Variants in HLA-DRA observed in about 807,000 individuals in gnomAD.
The protein encoded by HLA-DRA is HLA class II histocompatibility antigen, DR alpha chain.
In HLA-DRA, 8 loss-of-function variants were observed where a neutral mutation model predicts 22.1. The observed-to-expected ratio is 0.36, with a 90% CI of 0.21 to 0.65. The LOEUF is 0.65. HLA-DRA is among the 30% of genes least tolerant of loss of function. The pLI, the probability that HLA-DRA is intolerant of heterozygous loss-of-function variation, is 0.63. For synonymous variants in HLA-DRA, 101 were observed against 117.1 expected (o/e 0.86, Z 0.89); for missense variants, 248 against 321.3 (o/e 0.77, Z 1.74).
rs762969595 is a variant in HLA-DRA, at chr6:32,440,038, T to G, written c.82+6T>G. 1 of 1,612,074 alleles carries G rather than the reference T, an allele frequency of 6.2e-7. No homozygotes were observed. Among genetic ancestry groups the G allele is most frequent in the Non-Finnish European group, 8.5e-7 (1 of 1,178,422 alleles). On this transcript the variant is annotated splice_donor_region_variant and intron_variant, in intron 1 of 4. Transcript: ENST00000395388. ...GGAATCATGGGCTATCAAAGGTAGGTGCTGAGGGAATGAAATCTGGGACGA... is the reference window on the plus strand; with the variant it reads ...GGAATCATGGGCTATCAAAGGTAGGGGCTGAGGGAATGAAATCTGGGACGA...
In HLA-DRA at chr6:32,442,698, C is replaced by T. The variant is rs1270622534; in HGVS notation, c.328+5C>T. On this transcript the variant is annotated splice_donor_5th_base_variant and intron_variant, in intron 2 of 4. Coordinates refer to ENST00000395388, the MANE Select transcript of HLA-DRA (RefSeq NM_019111.5). Reference sequence around the variant, plus strand: ...ACTATACTCCGATCACCAATGGTACCTCCCTCTCTGCTGCACTCCTGGACA... The same window carrying T: ...ACTATACTCCGATCACCAATGGTACTTCCCTCTCTGCTGCACTCCTGGACA... 1.2e-6 allele frequency: 2 copies of T among 1,612,826 alleles called. No homozygotes were observed. Among genetic ancestry groups the T allele is most frequent in the South Asian group, 2.2e-5 (2 of 91,066 alleles).
In HLA-DRA at chr6:32,444,932, C is replaced by T. The variant is rs1762835827; in HGVS notation, c.*292C>T. ...CCTCTGGAATAAAACATACAGGAGTCTGTCTCTGCTATGGAATGCCCCATG... is the reference window on the plus strand; with the variant it reads ...CCTCTGGAATAAAACATACAGGAGTTTGTCTCTGCTATGGAATGCCCCATG... On this transcript the variant is annotated 3_prime_UTR_variant, in exon 5 of 5. Transcript: ENST00000395388. 6.5e-6 allele frequency: 1 copy of T among 154,258 alleles called. No individual in the cohort carries two copies. Among genetic ancestry groups the T allele is most frequent in the Non-Finnish European group, 1.5e-5 (1 of 68,182 alleles). 9.6% of individuals were successfully genotyped at this position (154,258 alleles called of 1,614,324 possible). A position where few individuals can be genotyped will look rare whatever the true frequency, so the allele number is the denominator to read the frequency against.
rs370284766 is a variant in HLA-DRA, at chr6:32,443,180, C to T, written c.329-5C>T. ...TTTCTGTCATGTCTGTCATGTGTCC[C>T]CCAGTACCTCCAGAGGTAACTGTGC... On this transcript the variant is annotated splice_polypyrimidine_tract_variant and splice_region_variant and intron_variant, in intron 2 of 4. Transcript: ENST00000395388. The T allele has an allele frequency of 1.2e-6, 2 of 1,610,822 alleles. No individual in the cohort carries two copies.
intron 1 of HLA-DRA, among the ~76,000 whole-genome samples, chr6:32,441,129 C>T (rs1018520490): frequency 5.9e-5 from 9 of 152,164 alleles, no homozygotes; most frequent in African/African-American, 1.4e-4. Context: ...GAGGCCGAGG[C>T]GGGCGGATCA....
At chr6:32,440,486 T>G (rs1012349025) in intron 1 of HLA-DRA, among the ~76,000 whole-genome samples, 1 of 152,194 alleles carries the variant, frequency 6.6e-6, no homozygotes, top group Non-Finnish European at 1.5e-5. Context: ...CAGTAGTTAT[T>G]TTTTGGAGTG....
chr6:32,440,294 T>TG (rs1762535733), intron 1 of HLA-DRA, among the ~76,000 whole-genome samples: 1 of 3,942 alleles, frequency 2.5e-4, no homozygotes, highest in Non-Finnish European at 4.7e-4. Flanking sequence ...AAACTGGGGG[T>TG]GGGGGTGGGG....
At chr6:32,442,717 C>T (rs1762695068) in intron 2 of HLA-DRA, 24 bp downstream of exon 2, 1 of 1,610,890 alleles carries the variant, frequency 6.2e-7, no homozygotes, top group Admixed American at 1.7e-5. Context: ...TGCTGCACTC[C>T]TGGACATGGG....
At chr6:32,441,231 G>A (rs905076361) in intron 1 of HLA-DRA, among the ~76,000 whole-genome samples, 17 of 152,192 alleles carry the variant, frequency 1.1e-4, no homozygotes, top group Admixed American at 2.0e-4. Context: ...GGTGGCACAC[G>A]CCTGTAGTCC....
chr6:32,443,500 G>A, intron 3 of HLA-DRA, 34 bp downstream of exon 3: 2 of 1,584,252 alleles, frequency 1.3e-6, no homozygotes, highest in Non-Finnish European at 1.7e-6. Context: ...TTTATTTCAA[G>A]GTTTCCTCCT....
intron 1 of HLA-DRA, among the ~76,000 whole-genome samples, chr6:32,440,477 A>G (rs1762551559): frequency 1.3e-5 from 2 of 152,204 alleles, no homozygotes; most frequent in South Asian, 4.1e-4. Flanking sequence ...TACATGATAC[A>G]GTAGTTATTT....
At chr6:32,440,799 G>T (rs913505555) in intron 1 of HLA-DRA, among the ~76,000 whole-genome samples, 2 of 152,204 alleles carry the variant, frequency 1.3e-5, no homozygotes, top group African/African-American at 4.8e-5. Flanking sequence ...ATGTACTGTA[G>T]AAAAGTATTC....
chr6:32,444,550 T>C (rs1427060839), intron 4 of HLA-DRA, 102 bp from the exon 5 acceptor site: 1 of 152,136 alleles, frequency 6.6e-6, no homozygotes, highest in Non-Finnish European at 1.5e-5. Flanking sequence ...ATTGAAAGAA[T>C]TTTGCAAAGT....
rs2150369736 is a variant in HLA-DRA, at chr6:32,440,025, T to C, written c.75T>C (p.Ala25=). ...AVLMSAQESW[A]IKEEHVIIQA... ...TGATGAGCGCTCAGGAATCATGGGC[T>C]ATCAAAGGTAGGTGCTGAGGGAATG... is the stretch of plus-strand genomic sequence containing the variant. Residue 25 remains alanine (A), a synonymous_variant, in exon 1 of 5, where the codon GCT becomes GCC. Transcript: ENST00000395388. 6.2e-7 allele frequency: 1 copy of C among 1,613,752 alleles called. No homozygotes were observed. The highest frequency in any genetic ancestry group is 2.2e-5 in the East Asian group (1 of 44,880).
At position 32,439,961 on chromosome 6, in the gene HLA-DRA, G is replaced by A. The variant is rs1386047724; in HGVS notation, c.11G>A (p.Ser4Asn). The change falls in exon 1 of 5, where the codon AGT becomes AAT. Residue 4 changes from serine to asparagine, a missense_variant. Physicochemically the swap from Ser to Asn is conservative, Grantham distance 46. Transcript: ENST00000395388. The stretch of plus-strand genomic sequence containing the variant: ...GCGCCCAAGAAGAAAATGGCCATAA[G>A]TGGAGTCCCTGTGCTAGGATTTTTC... MAI[S>N]GVPVLGFFII... is the part of the protein sequence containing the mutation. 3 of 1,613,972 alleles carry A rather than the reference G, an allele frequency of 1.9e-6. No individual in the cohort carries two copies. Among genetic ancestry groups the A allele is most frequent in the African/African-American group, 2.7e-5 (2 of 74,880 alleles).
At position 32,443,772 on chromosome 6, in the gene HLA-DRA, C is replaced by A. The variant is rs1762766270; in HGVS notation, c.627C>A (p.Ser209Arg). The A allele has an allele frequency of 1.3e-6, 2 of 1,598,564 alleles. No homozygotes were observed. The highest frequency in any genetic ancestry group is 4.5e-5 in the East Asian group (2 of 44,764). The part of the protein sequence containing the change: ...LLKHWEFDAP[S>R]PLPETTENVV... Reference sequence around the variant, plus strand: ...TCCCCCCAGAGTTTGATGCTCCAAGCCCTCTCCCAGAGACTACAGAGAACG... The same window carrying A: ...TCCCCCCAGAGTTTGATGCTCCAAGACCTCTCCCAGAGACTACAGAGAACG... Residue 209 changes from serine to arginine, a missense_variant, in exon 4 of 5, where the codon AGC becomes AGA. By Grantham distance (110) the Ser-to-Arg change is moderately radical. Transcript: ENST00000395388.
At chr6:32,440,120 G>A in intron 1 of HLA-DRA, 88 bp downstream of exon 1, 1 of 1,142,176 alleles carries the variant, frequency 8.8e-7, no homozygotes, top group Non-Finnish European at 1.3e-6. Flanking sequence ...AATGTGTGGA[G>A]TGAAAGAATA....
At chr6:32,442,175 C>T (rs1583325947) in intron 1 of HLA-DRA, among the ~76,000 whole-genome samples, 1 of 152,172 alleles carries the variant, frequency 6.6e-6, no homozygotes, top group African/African-American at 2.4e-5. Context: ...AGCCAAACAA[C>T]AGCTTCACAA....
chr6:32,444,254 A>G (rs980131346), intron 4 of HLA-DRA, among the ~76,000 whole-genome samples: 22 of 151,210 alleles, frequency 1.5e-4, no homozygotes, highest in African/African-American at 5.3e-4. Context: ...GAAAATACTG[A>G]GTCTAGGGAT....
rs762199845 is a variant in HLA-DRA at position 32,443,747 on chromosome 6, T to TC, written c.611-3dup. The TC allele has an allele frequency of 6.4e-7, 1 of 1,570,766 alleles. No homozygotes were observed. On this transcript the variant is annotated splice_polypyrimidine_tract_variant and intron_variant, in intron 3 of 4. Coordinates refer to ENST00000395388, the MANE Select transcript of HLA-DRA (RefSeq NM_019111.5). ...TCATTACCATGTACTCTGCCTTATT[T>TC]CCCCCCAGAGTTTGATGCTCCAAGC...
Sources: gnomAD v4.1 joint callset for allele counts (sites outside exome capture counted in the v4.1 genomes callset) on GRCh38, gnomAD v4.1.1 for gene constraint, MANE v1.5 for transcripts, NCBI Gene and HGNC (gene_info 2026-07-23, HGNC 2026-07-21) for gene names.